KCND3: variants seen among roughly 807,000 people sequenced by gnomAD.
The protein encoded by KCND3 is potassium voltage-gated channel subfamily D member 3.
In KCND3, 9 loss-of-function variants were observed where a neutral mutation model predicts 51.1. The observed-to-expected ratio is 0.18, with a 90% CI of 0.11 to 0.31. The LOEUF (loss-of-function observed/expected upper bound fraction) is 0.31, where lower values mean the gene tolerates loss of function less well. KCND3 is among the 10% of genes least tolerant of loss of function. The pLI is 1.00. For missense variants in KCND3, 526 were observed against 903.8 expected, an observed-to-expected ratio of 0.58 and a Z score of 5.36; for synonymous variants, 349 against 368.0, an observed-to-expected ratio of 0.95 and a Z score of 0.59.
At chr1:111,908,301 A>G (rs1487569407) in intron 2 of KCND3, among the ~76,000 whole-genome samples, 1 of 152,242 alleles carries the variant, frequency 6.6e-6, no homozygotes, top group Non-Finnish European at 1.5e-5. Context: ...TGAGTAAATC[A>G]AAGCTCAGAG....
At chr1:111,872,916 A>G (rs2101718691) in intron 2 of KCND3, among the ~76,000 whole-genome samples, 1 of 152,340 alleles carries the variant, frequency 6.6e-6, no homozygotes, top group South Asian at 2.1e-4. Flanking sequence ...ACTCTGGGCC[A>G]GGTACAATGT....
intron 3 of KCND3, among the ~76,000 whole-genome samples, chr1:111,785,496 G>A (rs1367631010): frequency 6.6e-6 from 1 of 152,118 alleles, no homozygotes; most frequent in Non-Finnish European, 1.5e-5. Context: ...AAATCTTAAG[G>A]TGGCAACTTA....
intron 2 of KCND3, among the ~76,000 whole-genome samples, chr1:111,839,969 TAA>T (rs1667247224): frequency 6.6e-6 from 1 of 152,224 alleles, no homozygotes; most frequent in Non-Finnish European, 1.5e-5. Flanking sequence ...GGGTGGATTA[TAA>T]ACAACAAACA....
At chr1:111,880,138 T>C (rs538215647) in intron 2 of KCND3, among the ~76,000 whole-genome samples, 8 of 152,320 alleles carry the variant, frequency 5.3e-5, no homozygotes, top group South Asian at 4.1e-4. Context: ...TTACCCTTCT[T>C]TGTATTTCCC....
chr1:111,968,164 G>C (rs1674111095), intron 2 of KCND3, among the ~76,000 whole-genome samples: 1 of 152,186 alleles, frequency 6.6e-6, no homozygotes, highest in Non-Finnish European at 1.5e-5. Flanking sequence ...GAGCATGCCA[G>C]CTGGGCTGCA....
At chr1:111,899,748 G>C (rs1208479399) in intron 2 of KCND3, among the ~76,000 whole-genome samples, 2 of 152,218 alleles carry the variant, frequency 1.3e-5, no homozygotes, top group Non-Finnish European at 2.9e-5. Context: ...AAGGAAGGCA[G>C]GGAACAGAGC....
chr1:111,946,429 G>A (rs1244793235), intron 2 of KCND3, among the ~76,000 whole-genome samples: 1 of 152,174 alleles, frequency 6.6e-6, no homozygotes, highest in Non-Finnish European at 1.5e-5. Context: ...TGCTCCATGT[G>A]GCAGTTGTTG....
At chr1:111,904,687 G>A (rs767006495) in intron 2 of KCND3, among the ~76,000 whole-genome samples, 2 of 152,166 alleles carry the variant, frequency 1.3e-5, no homozygotes, top group East Asian at 1.9e-4. Context: ...TCGATGCTAC[G>A]CTTGGTGGCG....
chr1:111,811,421 C>G lies in KCND3; in HGVS notation c.1107-24315G>C, dbSNP rs966956453. Among the ~76,000 whole-genome samples, 4 of 152,168 alleles carry G rather than the reference C, an allele frequency of 2.6e-5. No individual in the cohort carries two copies. The East Asian group carries it at 5.8e-4, about 22-fold the overall frequency. On this transcript the variant is annotated intron_variant, in intron 2 of 7. Transcript: ENST00000302127. ...GTATTTTTACTGCTTGCTACCCACA[C>G]TCAGGAAATCCTGACAATGCTTGGC...
intron 2 of KCND3, among the ~76,000 whole-genome samples, chr1:111,960,140 C>T (rs1000925744): frequency 2.0e-5 from 3 of 152,114 alleles, no homozygotes; most frequent in African/African-American, 7.2e-5. Flanking sequence ...AACCTCTTTT[C>T]TTGTCTTGAG....
intron 2 of KCND3, among the ~76,000 whole-genome samples, chr1:111,923,772 G>A (rs945898976): frequency 1.3e-5 from 2 of 152,172 alleles, no homozygotes; most frequent in East Asian, 1.9e-4. Context: ...GCAGCGCAGG[G>A]GCTTCGTGCA....
chr1:111,893,204 A>G (rs1051128519), intron 2 of KCND3, among the ~76,000 whole-genome samples: 1 of 152,232 alleles, frequency 6.6e-6, no homozygotes, highest in Non-Finnish European at 1.5e-5. Context: ...GATGAAGGCT[A>G]TGGCAGCCCG....
intron 2 of KCND3, among the ~76,000 whole-genome samples, chr1:111,806,090 C>A (rs1055109005): frequency 1.3e-5 from 2 of 152,218 alleles, no homozygotes; most frequent in Admixed American, 1.3e-4. Context: ...AGGAGCACCC[C>A]TGCTACGACA....
intron 2 of KCND3, among the ~76,000 whole-genome samples, chr1:111,846,239 C>A (rs974090679): frequency 6.6e-6 from 1 of 152,204 alleles, no homozygotes; most frequent in Non-Finnish European, 1.5e-5. Context: ...AACTATCATC[C>A]ACTTATACTG....
rs539569845 is a variant in KCND3, at chr1:111,809,690, C to T, written c.1107-22584G>A. 1.6e-3 allele frequency among the ~76,000 whole-genome samples: 244 copies of T among 152,216 alleles called. 2 individuals carry two copies. Among genetic ancestry groups the T allele is most frequent in the Non-Finnish European group, 8.2e-4 (56 of 68,012 alleles). ...GTGTGTGTGTATGCGTGTGTGTGCACGCCTGCAAATGCTTGCATGCATGCA... is the reference window on the plus strand; with the variant it reads ...GTGTGTGTGTATGCGTGTGTGTGCATGCCTGCAAATGCTTGCATGCATGCA... On this transcript the variant is annotated intron_variant, in intron 2 of 7. Coordinates refer to ENST00000302127, the MANE Select transcript of KCND3 (RefSeq NM_001378969.1).
intron 2 of KCND3, among the ~76,000 whole-genome samples, chr1:111,959,183 C>T (rs770058949): frequency 2.6e-5 from 4 of 152,168 alleles, no homozygotes; most frequent in South Asian, 4.1e-4. Flanking sequence ...CAAAGGGATT[C>T]GGTCGGTGGT....
At chr1:111,887,165 G>A (rs1206049377) in intron 2 of KCND3, among the ~76,000 whole-genome samples, 2 of 152,172 alleles carry the variant, frequency 1.3e-5, no homozygotes, top group Non-Finnish European at 2.9e-5. Context: ...GAGGAGAAAC[G>A]CTGCCCCAGT....
At chr1:111,912,543 G>T (rs1671009745) in intron 2 of KCND3, among the ~76,000 whole-genome samples, 1 of 152,194 alleles carries the variant, frequency 6.6e-6, no homozygotes, top group African/African-American at 2.4e-5. Flanking sequence ...CAGCCTCAAG[G>T]AGGTCCTTCA....
intron 2 of KCND3, among the ~76,000 whole-genome samples, chr1:111,861,502 A>G (rs914900124): frequency 1.3e-5 from 2 of 152,188 alleles, no homozygotes; most frequent in Admixed American, 6.5e-5. Context: ...CATTTTGTAG[A>G]TAAGAAAACT....
Sources: gnomAD v4.1 joint callset for allele counts (sites outside exome capture counted in the v4.1 genomes callset) on GRCh38, gnomAD v4.1.1 for gene constraint, MANE v1.5 for transcripts, NCBI Gene and HGNC (gene_info 2026-07-23, HGNC 2026-07-21) for gene names.